The following RUNX2 variants were observed in gnomAD, a reference collection of about 807,000 sequenced individuals.
RUNX2 encodes RUNX family transcription factor 2, also known as runt-related transcription factor 2.
A neutral mutation model predicts 51.7 loss-of-function variants in RUNX2; 10 were observed. The ratio of observed to expected loss-of-function variants is 0.19; its 90% CI spans 0.12 to 0.33. RUNX2 has a LOEUF of 0.33. Among genes scored for constraint, RUNX2 ranks in the 10% least tolerant of loss-of-function variants. RUNX2 has a pLI of 1.00. For missense variants in RUNX2, 562 were observed against 691.3 expected (o/e 0.81, Z 2.10); for synonymous variants, 276 against 273.6 (o/e 1.01, Z -0.09).
chr6:45,434,045 T>C (rs1225653049), intron 4 of RUNX2, among the ~76,000 whole-genome samples: 3 of 151,506 alleles, frequency 2.0e-5, no homozygotes, highest in Non-Finnish European at 4.4e-5. Flanking sequence ...AGATGGGGGG[T>C]AGGGGGAGTG....
chr6:45,407,378 A>G (rs1002441558), intron 2 of RUNX2, among the ~76,000 whole-genome samples: 5 of 152,172 alleles, frequency 3.3e-5, no homozygotes, highest in Admixed American at 1.3e-4. Flanking sequence ...GGGAAATACC[A>G]CAGTGATGTG....
intron 5 of RUNX2, among the ~76,000 whole-genome samples, chr6:45,479,240 C>A (rs1800042998): frequency 6.6e-6 from 1 of 152,170 alleles, no homozygotes; most frequent in African/African-American, 2.4e-5. Context: ...GGGATTATCC[C>A]ATTCTTCCAG....
Position 45,414,846 on chromosome 6 carries a change from T to C in RUNX2, c.59-7747T>C, listed in dbSNP as rs543013474. ...CCCAGGATTTTGTTTATGTGTATTT[T>C]AGTTTCAGTATGGACATAAGATCAT... On this transcript the variant is annotated intron_variant, in intron 2 of 8. Coordinates refer to ENST00000647337, the MANE Select transcript of RUNX2 (RefSeq NM_001024630.4). Among the ~76,000 whole-genome samples, 26 of 151,014 alleles carry C rather than the reference T, an allele frequency of 1.7e-4. No homozygotes were observed. In the South Asian group the frequency reaches 4.4e-3, roughly 26 times the overall value.
At chr6:45,529,691 C>G (rs999329727) in intron 7 of RUNX2, among the ~76,000 whole-genome samples, 1 of 151,998 alleles carries the variant, frequency 6.6e-6, no homozygotes, top group African/African-American at 2.4e-5. Flanking sequence ...AATTTTCTCA[C>G]TAGAGTCAGA....
intron 2 of RUNX2, among the ~76,000 whole-genome samples, chr6:45,376,780 C>G (rs529460656): frequency 6.6e-6 from 1 of 152,298 alleles, no homozygotes; most frequent in South Asian, 2.1e-4. Context: ...CTTTGCAGGG[C>G]GAATTTAATT....
chr6:45,358,974 T>A (rs571904762), intron 2 of RUNX2, among the ~76,000 whole-genome samples: 127 of 152,218 alleles, frequency 8.3e-4, no homozygotes, highest in Admixed American at 3.5e-3. Context: ...TTTTTACCTA[T>A]TTTTCCCCAT....
chr6:45,457,072 T>G (rs1207226297), intron 5 of RUNX2, among the ~76,000 whole-genome samples: 1 of 152,198 alleles, frequency 6.6e-6, no homozygotes, highest in African/African-American at 2.4e-5. Context: ...ATATGCATTT[T>G]TTTGGGAGGA....
intron 2 of RUNX2, among the ~76,000 whole-genome samples, chr6:45,394,393 T>C (rs1797539442): frequency 6.6e-6 from 1 of 152,132 alleles, no homozygotes; most frequent in Non-Finnish European, 1.5e-5. Flanking sequence ...ATCCAAGCCA[T>C]ATCAAATGTC....
At chr6:45,376,984 G>A (rs1049778447) in intron 2 of RUNX2, among the ~76,000 whole-genome samples, 2 of 151,526 alleles carry the variant, frequency 1.3e-5, no homozygotes, top group African/African-American at 4.9e-5. Context: ...ATTTATCCAC[G>A]TGTACAGTAA....
At chr6:45,442,117 G>A (rs1011569175) in intron 5 of RUNX2, among the ~76,000 whole-genome samples, 1 of 152,150 alleles carries the variant, frequency 6.6e-6, no homozygotes, top group African/African-American at 2.4e-5. Flanking sequence ...ATTCATCTCG[G>A]TTATAAAACT....
intron 2 of RUNX2, among the ~76,000 whole-genome samples, chr6:45,385,072 C>T (rs191943911): frequency 1.3e-5 from 2 of 152,116 alleles, no homozygotes; most frequent in East Asian, 1.9e-4. Flanking sequence ...TTACTGAGGA[C>T]GTAGTAAGTA....
intron 5 of RUNX2, among the ~76,000 whole-genome samples, chr6:45,485,383 G>C (rs887438629): frequency 2.6e-5 from 4 of 151,334 alleles, no homozygotes; most frequent in Non-Finnish European, 4.4e-5. Flanking sequence ...CATATTTTTA[G>C]TAGAAACGGG....
At chr6:45,378,627 T>C (rs1797125323) in intron 2 of RUNX2, among the ~76,000 whole-genome samples, 4 of 152,108 alleles carry the variant, frequency 2.6e-5, no homozygotes, top group Admixed American at 2.0e-4. Context: ...TTAACTACCA[T>C]GTTTTGTTAT....
chr6:45,438,176 T>C (rs1308840995), intron 5 of RUNX2, 125 bp downstream of exon 5: 9 of 688,634 alleles, frequency 1.3e-5, no homozygotes, highest in Non-Finnish European at 2.3e-5. Flanking sequence ...GCTATCTGCA[T>C]ATATTTTTTT....
intron 2 of RUNX2, among the ~76,000 whole-genome samples, chr6:45,402,090 G>A (rs1360456384): frequency 2.6e-5 from 4 of 152,194 alleles, no homozygotes; most frequent in Non-Finnish European, 5.9e-5. Context: ...ATGCATAATG[G>A]TATTTCACTG....
intron 6 of RUNX2, among the ~76,000 whole-genome samples, chr6:45,510,198 G>A (rs1197050490): frequency 1.3e-5 from 2 of 152,170 alleles, no homozygotes; most frequent in African/African-American, 2.4e-5. Flanking sequence ...TCTCGGCCTT[G>A]AGAATTTTAA....
At chr6:45,409,576 C>G (rs1797906692) in intron 2 of RUNX2, among the ~76,000 whole-genome samples, 1 of 152,156 alleles carries the variant, frequency 6.6e-6, no homozygotes, top group South Asian at 2.1e-4. Context: ...TAATGCCAAA[C>G]TATTATTTCG....
chr6:45,426,160 G>A (rs1798376633), intron 3 of RUNX2, among the ~76,000 whole-genome samples: 3 of 152,054 alleles, frequency 2.0e-5, no homozygotes, highest in African/African-American at 7.2e-5. Context: ...ATGTAAAAAT[G>A]CAAAAACAAC....
intron 5 of RUNX2, among the ~76,000 whole-genome samples, chr6:45,462,698 A>G (rs1441032194): frequency 6.6e-6 from 1 of 152,210 alleles, no homozygotes; most frequent in Non-Finnish European, 1.5e-5. Flanking sequence ...GCACATGTTC[A>G]GTGGTTAAGA....
Sources: allele counts gnomAD v4.1 joint callset (sites outside exome capture counted in the v4.1 genomes callset), GRCh38; gene constraint gnomAD v4.1.1; transcripts MANE v1.5; gene names NCBI Gene and HGNC (gene_info 2026-07-23, HGNC 2026-07-21).